The following DNAAF4 variants were observed in gnomAD, a reference collection of about 807,000 sequenced individuals.
DNAAF4 encodes the protein dynein axonemal assembly factor 4, also known as dynein assembly factor 4, axonemal.
In DNAAF4, 43 loss-of-function variants were observed where a neutral mutation model predicts 51.8. The observed-to-expected ratio is 0.83, with a 90% CI of 0.65 to 1.07. The LOEUF is 1.07. Ranked by LOEUF, DNAAF4 falls within the 50% of genes least tolerant of loss-of-function variation. The pLI, the probability that DNAAF4 is intolerant of heterozygous loss-of-function variation, is 0.00. For synonymous variants in DNAAF4, 194 were observed against 165.6 expected (o/e 1.17, Z -1.32); for missense variants, 581 against 493.0 (o/e 1.18, Z -1.69).
intron 6 of DNAAF4, among the ~76,000 whole-genome samples, chr15:55,449,914 G>C (rs1236181600): frequency 6.6e-6 from 1 of 151,688 alleles, no homozygotes; most frequent in Non-Finnish European, 1.5e-5. Context: ...AGTCAGGTTG[G>C]TCTTGAACTC....
rs1278965129 is a variant in DNAAF4 at position 55,497,841 on chromosome 15, A to C, written c.142T>G (p.Leu48Val). 6.2e-7 allele frequency: 1 copy of C among 1,611,280 alleles called. No individual in the cohort carries two copies. The highest frequency in any genetic ancestry group is 1.1e-5 in the South Asian group (1 of 89,972). ...NYLKVNFPPF[L>V]FEAFLYAPID... ...GGAGCATAAAGAAATGCCTCAAATA[A>C]AAATGGAGGAAAGTTGACCTATGCA... The change falls in exon 3 of 10, where the codon TTA (leucine) becomes GTA (valine). Residue 48 changes from leucine to valine, a missense_variant. Physicochemically the swap from Leu to Val is conservative, Grantham distance 32 (BLOSUM62 1). Coordinates refer to ENST00000321149, the MANE Select transcript of DNAAF4 (RefSeq NM_130810.4).
At chr15:55,418,153 G>A (rs767309928) in intron 7 of DNAAF4, 5 of 1,568,070 alleles carry the variant, frequency 3.2e-6, no homozygotes, top group Non-Finnish European at 4.3e-6. Flanking sequence ...GGAAGTGGGT[G>A]GGACTGAATT....
intron 4 of DNAAF4, among the ~76,000 whole-genome samples, chr15:55,474,558 T>C (rs553464974): frequency 2.0e-5 from 3 of 151,794 alleles, no homozygotes; most frequent in East Asian, 3.9e-4. Flanking sequence ...GATCAACTTA[T>C]ACAAACTTAT....
At chr15:55,427,232 A>AT (rs1203563225), downstream of DNAAF4, among the ~76,000 whole-genome samples, 18 of 151,868 alleles carry the variant, frequency 1.2e-4, no homozygotes, top group East Asian at 3.5e-3. Flanking sequence ...CACCCGGCTG[A>AT]TTTTTTTGTT....
chr15:55,455,123 T>A, intron 5 of DNAAF4, among the ~76,000 whole-genome samples: 1 of 150,066 alleles, frequency 6.7e-6, no homozygotes, highest in Middle Eastern at 3.4e-3. Flanking sequence ...CTGAATCTTT[T>A]TTTTTTTTTA....
chr15:55,437,728 G>A (rs1165830921), intron 7 of DNAAF4, among the ~76,000 whole-genome samples: 7 of 152,132 alleles, frequency 4.6e-5, no homozygotes. Context: ...TCAGAATAAC[G>A]CAATCAGTGG....
intron 3 of DNAAF4, among the ~76,000 whole-genome samples, chr15:55,494,689 A>C (rs1373962001): frequency 2.0e-5 from 3 of 152,084 alleles, no homozygotes; most frequent in Non-Finnish European, 4.4e-5. Context: ...TGGGATTACA[A>C]GCATGAGCCA....
chr15:55,423,947 G>C (rs553270058), intron 7 of DNAAF4, among the ~76,000 whole-genome samples: 35 of 152,046 alleles, frequency 2.3e-4, no homozygotes, highest in African/African-American at 7.5e-4. Context: ...AAAATTAGCC[G>C]GGCATGGTGG....
chr15:55,497,206 T>C (rs1310132380), intron 3 of DNAAF4, among the ~76,000 whole-genome samples: 1 of 152,156 alleles, frequency 6.6e-6, no homozygotes, highest in Non-Finnish European at 1.5e-5. Flanking sequence ...AGCACTAATA[T>C]TAAAAATTCA....
chr15:55,439,534 T>C lies in DNAAF4; in HGVS notation c.831A>G (p.Ile277Met), dbSNP rs759896962. The C allele has an allele frequency of 6.2e-7, 1 of 1,614,162 alleles. No individual in the cohort carries two copies. Among genetic ancestry groups the C allele is most frequent in the Non-Finnish European group, 8.5e-7 (1 of 1,180,024 alleles). The change falls in exon 7 of 10, where the codon ATA (isoleucine) becomes ATG (methionine). Residue 277 changes from isoleucine to methionine, a missense_variant. Coordinates refer to ENST00000321149, the MANE Select transcript of DNAAF4 (RefSeq NM_130810.4). ...CTTCTTTTAAATCGCAAAGTTCAGC[T>C]ATGTCAGTATTCATTGCTCTTCGTG... ...AEARRAMNTD[I>M]AELCDLKEEE...
At chr15:55,490,931 G>A in intron 4 of DNAAF4, 192 bp downstream of exon 4, 1 of 536,328 alleles carries the variant, frequency 1.9e-6, no homozygotes, top group African/African-American at 2.0e-5. Context: ...TCCAGCCTGG[G>A]CGACAGAGTG....
intron 5 of DNAAF4, among the ~76,000 whole-genome samples, chr15:55,460,629 A>T (rs2058081923): frequency 6.6e-6 from 1 of 152,200 alleles, no homozygotes. Context: ...TTTAAACTAT[A>T]TCCTAGAACA....
At chr15:55,493,358 A>G (rs1243787274) in intron 3 of DNAAF4, among the ~76,000 whole-genome samples, 4 of 152,246 alleles carry the variant, frequency 2.6e-5, no homozygotes, top group Admixed American at 6.5e-5. Flanking sequence ...AGAGGTAAGT[A>G]AAAGTGTGTA....
chr15:55,481,022 G>A (rs2058402565), intron 4 of DNAAF4, among the ~76,000 whole-genome samples: 1 of 152,118 alleles, frequency 6.6e-6, no homozygotes. Context: ...CATTTCTCCT[G>A]CTGGTGCTCA....
chr15:55,498,265 G>A lies in DNAAF4; in HGVS notation c.65C>T (p.Pro22Leu). ...QTKTAVFLSLPLKGVCVRDTD... is the reference protein window; with the variant it reads ...QTKTAVFLSLLLKGVCVRDTD... ...GTCTCTGACGCACACGCCTTTGAGG[G>A]GCAGAGACAGAAAGACCGCAGTCTT... Residue 22 changes from proline to leucine, a missense_variant, in exon 2 of 10, where the codon CCC (proline) becomes CTC (leucine). Coordinates refer to ENST00000321149, the MANE Select transcript of DNAAF4 (RefSeq NM_130810.4). The A allele has an allele frequency of 1.2e-6, 2 of 1,613,616 alleles. No individual in the cohort carries two copies. Among genetic ancestry groups the A allele is most frequent in the Non-Finnish European group, 1.7e-6 (2 of 1,179,768 alleles).
chr15:55,465,959 T>C (rs1328454539), intron 5 of DNAAF4, among the ~76,000 whole-genome samples: 1 of 151,406 alleles, frequency 6.6e-6, no homozygotes, highest in East Asian at 1.9e-4. Flanking sequence ...GGTGCAGGGG[T>C]GAGGGATAAA....
At chr15:55,451,390 T>C (rs1351668410) in intron 5 of DNAAF4, among the ~76,000 whole-genome samples, 1 of 152,206 alleles carries the variant, frequency 6.6e-6, no homozygotes, top group Non-Finnish European at 1.5e-5. Context: ...AATAATTTTA[T>C]ATCCAAGTTA....
intron 9 of DNAAF4, among the ~76,000 whole-genome samples, chr15:55,431,265 A>T (rs1379851615): frequency 2.0e-5 from 3 of 152,114 alleles, no homozygotes; most frequent in African/African-American, 7.2e-5. Flanking sequence ...CTGTATACAT[A>T]GAGCTAAATT....
intron 3 of DNAAF4, among the ~76,000 whole-genome samples, chr15:55,494,562 C>T (rs1308178442): frequency 6.6e-6 from 1 of 152,104 alleles, no homozygotes; most frequent in African/African-American, 2.4e-5. Context: ...CAGGCATCCA[C>T]TACCACGCCT....
Sources: allele counts gnomAD v4.1 joint callset (sites outside exome capture counted in the v4.1 genomes callset), GRCh38; gene constraint gnomAD v4.1.1; transcripts MANE v1.5; gene names NCBI Gene and HGNC (gene_info 2026-07-23, HGNC 2026-07-21).